Variants in STK3 observed in about 807,000 individuals in gnomAD.
The protein encoded by STK3 is serine/threonine kinase 3.
In STK3, 41 loss-of-function variants were observed where a neutral mutation model predicts 58.0. That is an observed-to-expected ratio of 0.71 (90% CI 0.55 to 0.92). The LOEUF (loss-of-function observed/expected upper bound fraction) is 0.92. Among genes scored for constraint, STK3 ranks in the 40% least tolerant of loss-of-function variants. The pLI, the probability that STK3 is intolerant of heterozygous loss-of-function variation, is 0.00. For missense variants in STK3, 479 were observed against 602.7 expected (o/e 0.79, Z 2.15); for synonymous variants, 170 against 191.0 (o/e 0.89, Z 0.91).
chr8:98,427,798 C>T (rs936044863), intron 3 of STK3: 2 of 583,566 alleles, frequency 3.4e-6, no homozygotes, highest in Non-Finnish European at 6.1e-6. Context: ...GGGGATCAGA[C>T]CCCTCAAACT....
intron 1 of STK3, among the ~76,000 whole-genome samples, chr8:98,903,841 A>G (rs1284975607): frequency 2.0e-5 from 3 of 152,166 alleles, no homozygotes; most frequent in African/African-American, 7.2e-5. Flanking sequence ...TACGTTTTTT[A>G]TCATCTGTCA....
At chr8:98,434,540 T>C (rs1310116065) in intron 2 of STK3, among the ~76,000 whole-genome samples, 7 of 152,326 alleles carry the variant, frequency 4.6e-5, no homozygotes, top group Non-Finnish European at 7.3e-5. Context: ...TCTGAAACTC[T>C]GCAACATTTT....
At position 98,726,844 on chromosome 8, in the gene STK3, C is replaced by T. The variant is rs143990605; in HGVS notation, c.352-19533G>A. Among the ~76,000 whole-genome samples, 1,031 of 152,146 alleles carry T rather than the reference C, an allele frequency of 6.8e-3. 8 individuals carry two copies. The highest frequency in any genetic ancestry group is 0.023 in the African/African-American group (967 of 41,510). Reference sequence around the variant, plus strand: ...TCAACCTTACTGTCCCTTACTGTGACAGAAGGAAAAAAGAGATGGGACCCA... The same window carrying T: ...TCAACCTTACTGTCCCTTACTGTGATAGAAGGAAAAAAGAGATGGGACCCA... On this transcript the variant is annotated intron_variant, in intron 4 of 10. Coordinates refer to ENST00000419617, the MANE Select transcript of STK3 (RefSeq NM_006281.4).
chr8:98,872,697 AT>A (rs1837421601), intron 3 of STK3, among the ~76,000 whole-genome samples: 1 of 151,956 alleles, frequency 6.6e-6, no homozygotes, highest in South Asian at 2.1e-4. Context: ...CCTCTTTAAC[AT>A]TTTTTATTGC....
intron 10 of STK3, among the ~76,000 whole-genome samples, chr8:98,510,258 C>T (rs919966249): frequency 1.3e-5 from 2 of 152,040 alleles, no homozygotes; most frequent in African/African-American, 4.8e-5. Context: ...TAGTTTAATG[C>T]CTAATCCAGA....
intron 6 of STK3, among the ~76,000 whole-genome samples, chr8:98,620,758 A>AC (rs1353864888): frequency 1.3e-5 from 2 of 151,966 alleles, no homozygotes; most frequent in African/African-American, 4.8e-5. Context: ...TATTTTAAAA[A>AC]ACACACACAC....
chr8:98,728,854 G>C (rs1316453564), intron 4 of STK3, among the ~76,000 whole-genome samples: 1 of 152,044 alleles, frequency 6.6e-6, no homozygotes, highest in African/African-American at 2.4e-5. Flanking sequence ...GACATATCAA[G>C]CTTTTAAACT....
At chr8:98,776,997 C>G (rs901668100) in intron 1 of STK3, among the ~76,000 whole-genome samples, 6 of 151,774 alleles carry the variant, frequency 4.0e-5, no homozygotes, top group Admixed American at 2.6e-4. Context: ...TTGCCGTGAG[C>G]CGAGATCGCG....
chr8:98,428,370 G>A lies in STK3; in HGVS notation n.483+5757C>T, dbSNP rs376045564. 2.7e-5 allele frequency: 44 copies of A among 1,614,188 alleles called. No homozygotes were observed. Among genetic ancestry groups the A allele is most frequent in the African/African-American group, 4.0e-5 (3 of 75,058 alleles). ...CTACCATGGCCGCAAAGTAGAGCCC[G>A]AGCAGGAGAAGTGGGACGAGCAGAG... On this transcript the variant is annotated intron_variant and non_coding_transcript_variant, in intron 3 of 3. Transcript: ENST00000517832. This position sits in a 1 kb window ranked among gnomAD's most constrained non-coding sequence, Gnocchi z 6.7.
intron 6 of STK3, among the ~76,000 whole-genome samples, chr8:98,648,267 T>A (rs1463844809): frequency 2.6e-5 from 4 of 152,334 alleles, no homozygotes; most frequent in South Asian, 4.1e-4. Flanking sequence ...AACAGTGGAA[T>A]ATAACTACAT....
At chr8:98,786,648 C>T (rs555130697) in intron 1 of STK3, among the ~76,000 whole-genome samples, 14 of 152,142 alleles carry the variant, frequency 9.2e-5, no homozygotes, top group South Asian at 4.2e-4. Context: ...TTATGTAAAG[C>T]GATCAAACCT....
At position 98,800,871 on chromosome 8, in the gene STK3, C is replaced by T. The variant is rs575878116; in HGVS notation, c.26+24644G>A. Among the ~76,000 whole-genome samples, 2 of 152,242 alleles carry T rather than the reference C, an allele frequency of 1.3e-5. No homozygotes were observed. Among genetic ancestry groups the T allele is most frequent in the African/African-American group, 2.4e-5 (1 of 41,470 alleles). ...CAGCCCCCCATGCCAGAGCCCCCCCCACCAAGGTGGGCTCCCGTGCAGCCG... is the reference window on the plus strand; with the variant it reads ...CAGCCCCCCATGCCAGAGCCCCCCCTACCAAGGTGGGCTCCCGTGCAGCCG... On this transcript the variant is annotated intron_variant, in intron 1 of 10. Transcript: ENST00000419617. This position sits in a 1 kb window ranked among gnomAD's most constrained non-coding sequence, Gnocchi z 4.8.
chr8:98,633,559 G>C lies in STK3; in HGVS notation c.685-37390C>G, dbSNP rs957391497. 8 of 732,032 alleles carry C rather than the reference G, an allele frequency of 1.1e-5. 1 individual carries two copies. Among genetic ancestry groups the C allele is most frequent in the Admixed American group, 9.3e-5 (5 of 53,610 alleles). 45.3% of individuals were successfully genotyped at this position (732,032 alleles called of 1,614,324 possible). ...CAGAGAATCAGCCAGATTCTCCAGA[G>C]GCTCTTCAGGTTCTCCTCTGTCTTT... On this transcript the variant is annotated intron_variant, in intron 6 of 10. Transcript: ENST00000419617.
chr8:98,392,024 T>A (rs552164619), upstream of STK3, among the ~76,000 whole-genome samples: 4 of 152,340 alleles, frequency 2.6e-5, no homozygotes, highest in South Asian at 8.3e-4. Flanking sequence ...AAGTGCTTAG[T>A]AAACATTAGT....
At chr8:98,637,288 T>A (rs2130571765) in intron 6 of STK3, among the ~76,000 whole-genome samples, 1 of 152,196 alleles carries the variant, frequency 6.6e-6, no homozygotes, top group Admixed American at 6.5e-5. Context: ...AGACCAAAAC[T>A]ATGCAATATT....
Position 98,897,711 on chromosome 8 carries a change from G to A in STK3, c.-78-13877C>T, listed in dbSNP as rs79352078. On this transcript the variant is annotated intron_variant, in intron 1 of 1. Coordinates refer to the STK3 transcript ENST00000519420. ...TTAATTATAAAAGAGTCTGATGTGT[G>A]TGATTCCTTAGTTCAATTATAAATG... Among the ~76,000 whole-genome samples the A allele has an allele frequency of 4.7e-4, 71 of 152,332 alleles. No homozygotes were observed. In the East Asian group the frequency reaches 0.013, roughly 29 times the overall value.
chr8:98,355,855 T>G, the STK3 span, among the ~76,000 whole-genome samples: 29 of 152,252 alleles, frequency 1.9e-4, no homozygotes, highest in Non-Finnish European at 4.4e-5. Context: ...TGAGGTTGGA[T>G]GGCGCTATGT....
chr8:98,434,430 T>G (rs1211137584), intron 2 of STK3: 1 of 152,242 alleles, frequency 6.6e-6, no homozygotes, highest in African/African-American at 2.4e-5. Flanking sequence ...AAATGTTGCA[T>G]GTACACGGTT....
At chr8:98,358,868 C>T in the STK3 span, among the ~76,000 whole-genome samples, 929 of 152,236 alleles carry the variant, frequency 6.1e-3, 8 homozygotes, top group Non-Finnish European at 7.6e-3. Context: ...GGAAACGTCA[C>T]TGTTTTAACT....
Sources: allele counts gnomAD v4.1 joint callset (sites outside exome capture counted in the v4.1 genomes callset), GRCh38; gene constraint gnomAD v4.1.1; non-coding constraint Gnocchi (gnomAD v3.1); transcripts MANE v1.5; gene names NCBI Gene and HGNC (gene_info 2026-07-23, HGNC 2026-07-21).